The following CHCHD2 variants were observed in gnomAD, a reference collection of about 807,000 sequenced individuals.
CHCHD2 encodes coiled-coil-helix-coiled-coil-helix domain containing 2, also known as coiled-coil-helix-coiled-coil-helix domain-containing protein 2.
A neutral mutation model predicts 17.5 loss-of-function variants in CHCHD2; 17 were observed. The observed-to-expected ratio is 0.97, with a 90% CI of 0.67 to 1.46. CHCHD2 has a LOEUF of 1.46. Among genes scored for constraint, CHCHD2 ranks in the 40% most tolerant of loss-of-function variants. CHCHD2 has a pLI of 0.00. For synonymous variants in CHCHD2, 63 were observed against 74.3 expected (o/e 0.85, Z 0.78); for missense variants, 175 against 199.9 (o/e 0.88, Z 0.75).
At chr7:56,102,752 A>G in intron 3 of CHCHD2, 115 bp downstream of exon 3, 1 of 1,111,480 alleles carries the variant, frequency 9.0e-7, no homozygotes, top group Non-Finnish European at 1.3e-6. Context: ...AGTTAATTCT[A>G]GAGAAATTTC....
rs1468558735 is a variant in CHCHD2 at position 56,101,603 on chromosome 7, T to G, written c.*248A>C. 6.6e-6 allele frequency: 3 copies of G among 452,710 alleles called. No individual in the cohort carries two copies. The highest frequency in any genetic ancestry group is 1.2e-5 in the Non-Finnish European group (3 of 248,854). 28.0% of individuals were successfully genotyped at this position (452,710 alleles called of 1,614,324 possible). On this transcript the variant is annotated 3_prime_UTR_variant, in exon 4 of 4. Transcript: ENST00000395422. ...AGAAAATGACTTTATTCTAATTAAC[T>G]CACAAAGAATAAAATCATAACATAA...
At chr7:56,104,148 A>T in intron 2 of CHCHD2, 78 bp downstream of exon 2, 1 of 1,559,224 alleles carries the variant, frequency 6.4e-7, no homozygotes, top group Non-Finnish European at 8.8e-7. Context: ...GACAATTCCT[A>T]CACTTAAGGA....
chr7:56,102,420 G>A (rs1000410429), intron 3 of CHCHD2, among the ~76,000 whole-genome samples: 1 of 150,812 alleles, frequency 6.6e-6, no homozygotes, highest in African/African-American at 2.4e-5. Context: ...AGGCTGGAAT[G>A]CAGTGGCAGG....
chr7:56,102,011 C>T (rs1275362040), intron 3 of CHCHD2, 150 bp from the exon 4 acceptor site: 1 of 739,750 alleles, frequency 1.4e-6, no homozygotes, highest in Non-Finnish European at 2.3e-6. Context: ...GAGATGAGGT[C>T]TTGCTATGTT....
chr7:56,106,428 G>T lies in CHCHD2; in HGVS notation c.-15C>A. The T allele has an allele frequency of 3.1e-6, 5 of 1,613,094 alleles. No individual in the cohort carries two copies. In the South Asian group the frequency reaches 3.3e-5, roughly 11 times the overall value. ...CCACGCGGCATCCTAGGTAAGCGAC[G>T]GCTAGGCCTCCGGACGTGGGACAAC... On this transcript the variant is annotated 5_prime_UTR_variant, in exon 1 of 4. Transcript: ENST00000395422.
chr7:56,103,629 T>C (rs1785325524), intron 2 of CHCHD2, among the ~76,000 whole-genome samples: 1 of 152,214 alleles, frequency 6.6e-6, no homozygotes, highest in Admixed American at 6.6e-5. Context: ...AAGCCAACAG[T>C]TTTAACAAAA....
intron 3 of CHCHD2, 62 bp downstream of exon 3, chr7:56,102,804 GT>G: frequency 6.4e-7 from 1 of 1,561,918 alleles, no homozygotes; most frequent in Admixed American, 1.7e-5. Flanking sequence ...ATTACCCTAA[GT>G]TCTACAGGAT....
At chr7:56,103,821 T>C (rs975407545) in intron 2 of CHCHD2, among the ~76,000 whole-genome samples, 1 of 152,228 alleles carries the variant, frequency 6.6e-6, no homozygotes, top group African/African-American at 2.4e-5. Flanking sequence ...CTATGCTCAT[T>C]AGACTAGAAA....
At position 56,102,867 on chromosome 7, in the gene CHCHD2, C is replaced by T. The variant is rs368281619; in HGVS notation, c.445G>A (p.Gly149Arg). Residue 149 changes from glycine to arginine, a missense_variant and splice_region_variant, in exon 3 of 4, where the codon GGA becomes AGA. Transcript: ENST00000395422. ...EVLKQCRLANGLA is the reference protein window; with the variant it reads ...EVLKQCRLANRLA ...GATGTAAATTGGACAAATTACCTAC[C>T]GTTTGCAAGTCGGCACTGTTTCAGC... is the stretch of plus-strand genomic sequence containing the variant. 8.1e-6 allele frequency: 13 copies of T among 1,613,720 alleles called. No individual in the cohort carries two copies. The highest frequency in any genetic ancestry group is 4.5e-5 in the East Asian group (2 of 44,884).
At position 56,106,403 on chromosome 7, in the gene CHCHD2, C is replaced by T. The variant is rs566875073; in HGVS notation, c.11G>A (p.Gly4Glu). 2 of 1,613,618 alleles carry T rather than the reference C, an allele frequency of 1.2e-6. No individual in the cohort carries two copies. The highest frequency in any genetic ancestry group is 1.3e-5 in the African/African-American group (1 of 75,030). The change falls in exon 1 of 4, where the codon GGA becomes GAA. Residue 4 changes from glycine to glutamate, a missense_variant. Transcript: ENST00000395422. Reference sequence around the variant, plus strand: ...CATGCGGGAGGTGCGGCTTCGGCTTCCACGCGGCATCCTAGGTAAGCGACG... The same window carrying T: ...CATGCGGGAGGTGCGGCTTCGGCTTTCACGCGGCATCCTAGGTAAGCGACG... MPR[G>E]SRSRTSRMAP...
chr7:56,106,345 A>G lies in CHCHD2; in HGVS notation c.50+19T>C, dbSNP rs1785383934. 6.2e-7 allele frequency: 1 copy of G among 1,612,090 alleles called. No individual in the cohort carries two copies. The highest frequency in any genetic ancestry group is 1.7e-5 in the Admixed American group (1 of 59,810). Reference sequence around the variant, plus strand: ...TCCGGACGGCCGCGCTTTGGTCTCAAACCCTGCGATGGTCTCACCTGGCCG... The same window carrying G: ...TCCGGACGGCCGCGCTTTGGTCTCAGACCCTGCGATGGTCTCACCTGGCCG... On this transcript the variant is annotated intron_variant, in intron 1 of 3. Coordinates refer to ENST00000395422, the MANE Select transcript of CHCHD2 (RefSeq NM_016139.4).
intron 3 of CHCHD2, among the ~76,000 whole-genome samples, chr7:56,102,154 A>C (rs1785296129): frequency 6.6e-6 from 1 of 151,988 alleles, no homozygotes; most frequent in Non-Finnish European, 1.5e-5. Context: ...AGACACCCTG[A>C]ATCTCCGGAG....
chr7:56,106,296 C>A, intron 1 of CHCHD2, 68 bp downstream of exon 1: 1 of 1,508,558 alleles, frequency 6.6e-7, no homozygotes, highest in Non-Finnish European at 9.0e-7. Flanking sequence ...CGCGGCCTCC[C>A]TCTGCGTCAT....
chr7:56,106,274 T>TA, intron 1 of CHCHD2, 90 bp downstream of exon 1: 1 of 1,306,238 alleles, frequency 7.7e-7, no homozygotes, highest in Admixed American at 2.3e-5. Flanking sequence ...CCGACCTTAG[T>TA]TCACCCCCGC....
rs143197896 is a variant in CHCHD2 at position 56,104,292 on chromosome 7, G to A, written c.234C>T (p.His78=). The change falls in exon 2 of 4, where the codon CAC becomes CAT. Residue 78 remains histidine, a synonymous_variant. Transcript: ENST00000395422. ...VGSAVGHTLG[H]AITGGFSGGS... ...CTCCACTGAAGCCCCCAGTAATGGCGTGACCCAATGTGTGCCCCACAGCAG... is the reference window on the plus strand; with the variant it reads ...CTCCACTGAAGCCCCCAGTAATGGCATGACCCAATGTGTGCCCCACAGCAG... 3.4e-5 allele frequency: 55 copies of A among 1,613,830 alleles called. No homozygotes were observed. In the Middle Eastern group the frequency reaches 5.0e-4, roughly 15 times the overall value.
chr7:56,106,441 G>C lies in CHCHD2; in HGVS notation c.-28C>G. 1 of 1,611,920 alleles carries C rather than the reference G, an allele frequency of 6.2e-7. No homozygotes were observed. The highest frequency in any genetic ancestry group is 8.5e-7 in the Non-Finnish European group (1 of 1,178,392). ...TAGGTAAGCGACGGCTAGGCCTCCG[G>C]ACGTGGGACAACCACCGAAGAGCTA... On this transcript the variant is annotated 5_prime_UTR_variant, in exon 1 of 4. Transcript: ENST00000395422.
At chr7:56,103,464 A>C (rs1467589716) in intron 2 of CHCHD2, among the ~76,000 whole-genome samples, 1 of 152,206 alleles carries the variant, frequency 6.6e-6, no homozygotes, top group African/African-American at 2.4e-5. Flanking sequence ...GAATTTAAAT[A>C]AATATTTTTA....
At chr7:56,105,686 G>T (rs968196918) in intron 1 of CHCHD2, among the ~76,000 whole-genome samples, 6 of 152,192 alleles carry the variant, frequency 3.9e-5, no homozygotes, top group African/African-American at 1.4e-4. Context: ...AGTTACTCTG[G>T]AGGCTGACGT....
At chr7:56,103,681 T>C (rs1258846380) in intron 2 of CHCHD2, among the ~76,000 whole-genome samples, 1 of 151,984 alleles carries the variant, frequency 6.6e-6, no homozygotes, top group African/African-American at 2.4e-5. Context: ...AAGATGCAAA[T>C]AAAGTGGAAT....
Sources: gnomAD v4.1 joint callset for allele counts (sites outside exome capture counted in the v4.1 genomes callset) on GRCh38, gnomAD v4.1.1 for gene constraint, MANE v1.5 for transcripts, NCBI Gene and HGNC (gene_info 2026-07-23, HGNC 2026-07-21) for gene names.